The following CHM variants were observed in gnomAD, a reference collection of about 807,000 sequenced individuals.
CHM encodes the protein CHM Rab escort protein, also known as rab proteins geranylgeranyltransferase component A 1.
A neutral mutation model predicts 49.0 loss-of-function variants in CHM; 10 were observed. That is an observed-to-expected ratio of 0.20 (90% CI 0.13 to 0.35). CHM has a LOEUF of 0.35. Ranked by LOEUF, CHM falls within the 10% of genes least tolerant of loss-of-function variation. The pLI, the probability that CHM is intolerant of heterozygous loss-of-function variation, is 1.00. For missense variants in CHM, 455 were observed against 478.4 expected (o/e 0.95, Z 0.46); for synonymous variants, 184 against 167.5 (o/e 1.10, Z -0.76).
chrX:85,972,818 G>A (rs1054143837), intron 4 of CHM, among the ~76,000 whole-genome samples: 15 of 112,320 alleles, frequency 1.3e-4, no homozygotes, highest in African/African-American at 2.9e-4. Flanking sequence ...GTGCAGCGGC[G>A]GGCCGAAGGG....
chrX:85,966,215 G>A (rs1390246251), intron 4 of CHM, among the ~76,000 whole-genome samples: 1 of 109,230 alleles, frequency 9.2e-6, no homozygotes, highest in Non-Finnish European at 1.9e-5. Context: ...TGGGCGTGGT[G>A]ATGGGCACCT....
At chrX:86,036,455 A>G (rs1934249434) in intron 1 of CHM, among the ~76,000 whole-genome samples, 1 of 111,569 alleles carries the variant, frequency 9.0e-6, no homozygotes, top group Non-Finnish European at 1.9e-5. Flanking sequence ...GTGCAGAGGA[A>G]TCTTTCAGGT....
chrX:85,958,846 T>C lies in CHM; in HGVS notation c.819+15A>G. The C allele has an allele frequency of 1.7e-6, 2 of 1,211,237 alleles. No individual in the cohort carries two copies. The highest frequency in any genetic ancestry group is 1.1e-6 in the Non-Finnish European group (1 of 895,153). On this transcript the variant is annotated intron_variant, in intron 6 of 14. Coordinates refer to ENST00000357749, the MANE Select transcript of CHM (RefSeq NM_000390.4). ...TAAGCTGATGCCCAGTTACAATTCT[T>C]GATCAGCACAGTACCTGTTCCACTC...
chrX:85,938,094 C>T (rs751493103), intron 8 of CHM, among the ~76,000 whole-genome samples: 14 of 111,406 alleles, frequency 1.3e-4, no homozygotes, highest in Non-Finnish European at 2.3e-4. Context: ...GCTTTATTAA[C>T]GACAATGTTC....
intron 9 of CHM, among the ~76,000 whole-genome samples, chrX:85,908,864 T>C (rs1603247080): frequency 8.9e-6 from 1 of 111,748 alleles, no homozygotes; most frequent in Non-Finnish European, 1.9e-5. Flanking sequence ...TCACTGGGAC[T>C]GAAGATGATG....
chrX:85,988,722 C>T (rs1932038430), intron 2 of CHM, among the ~76,000 whole-genome samples: 2 of 111,161 alleles, frequency 1.8e-5, no homozygotes, highest in Non-Finnish European at 3.8e-5. Context: ...AAGCTAAGAG[C>T]CAAATCAGAA....
intron 1 of CHM, among the ~76,000 whole-genome samples, chrX:86,040,565 C>T (rs924599478): frequency 2.7e-5 from 3 of 111,971 alleles, no homozygotes; most frequent in African/African-American, 9.7e-5. Flanking sequence ...TGATAAAAAC[C>T]AAATCAGTCA....
At chrX:85,876,799 TTTAACTA>T (rs1924444107) in intron 13 of CHM, among the ~76,000 whole-genome samples, 1 of 111,461 alleles carries the variant, frequency 9.0e-6, no homozygotes, top group Admixed American at 9.6e-5. Flanking sequence ...ATGGGATCAC[TTTAACTA>T]TTAAGATTAA....
intron 4 of CHM, among the ~76,000 whole-genome samples, chrX:85,976,611 G>A (rs756731056): frequency 9.4e-6 from 1 of 106,885 alleles, no homozygotes; most frequent in Admixed American, 1.0e-4. Context: ...GTAGCAGAGT[G>A]AGACTCCGTC....
intron 9 of CHM, 132 bp downstream of exon 9, chrX:85,911,129 G>GTGTATATATA (rs1219677231): frequency 1.4e-4 from 1 of 6,907 alleles, no homozygotes; most frequent in African/African-American, 6.0e-4. Flanking sequence ...GTGTGTATAT[G>GTGTATATATA]TATATATATA....
intron 8 of CHM, among the ~76,000 whole-genome samples, chrX:85,924,563 C>T (rs1402854091): frequency 9.0e-6 from 1 of 111,705 alleles, no homozygotes; most frequent in Non-Finnish European, 1.9e-5. Context: ...ACCTCAAAAA[C>T]CACTACTATC....
chrX:86,039,832 C>T, intron 1 of CHM, among the ~76,000 whole-genome samples: 1 of 111,386 alleles, frequency 9.0e-6, no homozygotes, highest in Admixed American at 9.5e-5. Flanking sequence ...AGAAGTGGCT[C>T]GACTTCAGAG....
intron 2 of CHM, among the ~76,000 whole-genome samples, chrX:85,983,542 A>C (rs1477380933): frequency 3.6e-5 from 4 of 111,526 alleles, no homozygotes; most frequent in African/African-American, 1.3e-4. Context: ...TACTCAACAA[A>C]ACTAGAAAAT....
chrX:85,985,067 C>T (rs1432086872), intron 2 of CHM, among the ~76,000 whole-genome samples: 2 of 111,720 alleles, frequency 1.8e-5, no homozygotes, highest in Non-Finnish European at 3.8e-5. Context: ...CTGCAGGCCC[C>T]ACTTCCATGG....
intron 3 of CHM, among the ~76,000 whole-genome samples, chrX:85,980,043 G>A (rs963171212): frequency 9.0e-6 from 1 of 111,565 alleles, no homozygotes; most frequent in African/African-American, 3.3e-5. Flanking sequence ...CAAGATTCTG[G>A]AGTAAAACAA....
At chrX:85,913,332 A>AAAG (rs1556281328) in intron 8 of CHM, among the ~76,000 whole-genome samples, 4 of 23,404 alleles carry the variant, frequency 1.7e-4, no homozygotes, top group African/African-American at 2.8e-4. Flanking sequence ...AAAAAAAAAA[A>AAAG]AAAGAAAGAA....
intron 13 of CHM, among the ~76,000 whole-genome samples, chrX:85,877,017 A>C (rs1446126520): frequency 9.0e-6 from 1 of 111,050 alleles, no homozygotes; most frequent in Non-Finnish European, 1.9e-5. Flanking sequence ...TAAGAAACTC[A>C]GGGTTTCTAC....
intron 2 of CHM, among the ~76,000 whole-genome samples, chrX:86,000,851 G>A (rs1932682628): frequency 9.0e-6 from 1 of 111,471 alleles, no homozygotes; most frequent in Non-Finnish European, 1.9e-5. Flanking sequence ...GGGAAGGAAA[G>A]GGGAGCAGAG....
At chrX:85,874,791 G>A (rs1304307188) in intron 13 of CHM, among the ~76,000 whole-genome samples, 2 of 111,398 alleles carry the variant, frequency 1.8e-5, no homozygotes, top group Non-Finnish European at 3.8e-5. Flanking sequence ...AGGAACATAA[G>A]GAATTCATAT....
Sources: allele counts gnomAD v4.1 joint callset (sites outside exome capture counted in the v4.1 genomes callset), GRCh38; gene constraint gnomAD v4.1.1; transcripts MANE v1.5; gene names NCBI Gene and HGNC (gene_info 2026-07-23, HGNC 2026-07-21).